CPEB1: variants seen among roughly 807,000 people sequenced by gnomAD.
CPEB1 encodes cytoplasmic polyadenylation element-binding protein 1.
CPEB1 carries 7 observed loss-of-function variants against 65.8 expected under a neutral mutation model. The ratio of observed to expected loss-of-function variants is 0.11; its 90% confidence interval spans 0.06 to 0.20. CPEB1 has a LOEUF of 0.20. CPEB1 is among the 10% of genes least tolerant of loss of function. The probability of loss-of-function intolerance (pLI) is 1.00; values close to 1 mark genes in which losing one functional copy is unlikely to be tolerated. For missense variants in CPEB1, 551 were observed against 712.2 expected (o/e 0.77, Z 2.58); for synonymous variants, 262 against 260.0 (o/e 1.01, Z -0.08).
At chr15:82,578,665 G>A (rs1185393490) in intron 3 of CPEB1, among the ~76,000 whole-genome samples, 2 of 151,690 alleles carry the variant, frequency 1.3e-5, no homozygotes, top group Non-Finnish European at 2.9e-5. Flanking sequence ...GCTGAGGCAG[G>A]AGAATCACTT....
chr15:82,565,585 T>C (rs752551162), intron 4 of CPEB1, among the ~76,000 whole-genome samples: 2 of 152,326 alleles, frequency 1.3e-5, no homozygotes, highest in Non-Finnish European at 2.9e-5. Context: ...TGCAGGCCAG[T>C]GTCTCATCTC....
At chr15:82,544,725 A>G in intron 12 of CPEB1, 23 bp from the exon 13 acceptor site, 3 of 1,563,960 alleles carry the variant, frequency 1.9e-6, no homozygotes, top group Non-Finnish European at 2.6e-6. Flanking sequence ...AACAAAAAGG[A>G]GGATGCCATG....
intron 3 of CPEB1, among the ~76,000 whole-genome samples, chr15:82,613,830 T>C (rs560131885): frequency 6.6e-6 from 1 of 152,106 alleles, no homozygotes; most frequent in South Asian, 2.1e-4. Context: ...ACACTCACCC[T>C]GGATGGGAGC....
intron 1 of CPEB1, chr15:82,638,120 C>A: frequency 3.0e-6 from 1 of 329,630 alleles, no homozygotes; most frequent in Non-Finnish European, 6.3e-6. Context: ...TCCAGCCTCA[C>A]ACAGATACAT....
At chr15:82,620,925 C>G (rs76151210) in intron 3 of CPEB1, among the ~76,000 whole-genome samples, 3,450 of 152,276 alleles carry the variant, frequency 0.023, 136 homozygotes, top group African/African-American at 0.078. Context: ...AAGATGTGTT[C>G]AGTATATAAA....
rs192261065 is a variant in CPEB1 at position 82,568,592 on chromosome 15, A to G, written c.460+2752T>C. Among the ~76,000 whole-genome samples, 244 of 152,318 alleles carry G rather than the reference A, an allele frequency of 1.6e-3. 1 individual carries two copies. The highest frequency in any genetic ancestry group is 5.6e-3 in the African/African-American group (233 of 41,558). Reference sequence around the variant, plus strand: ...GGTCTTCTTGCAGGACTCTGAGGCCAAGGAAATCTAGATAGCAGAAGTACT... The same window carrying G: ...GGTCTTCTTGCAGGACTCTGAGGCCGAGGAAATCTAGATAGCAGAAGTACT... On this transcript the variant is annotated intron_variant, in intron 4 of 12. Coordinates refer to ENST00000684509, the MANE Select transcript of CPEB1 (RefSeq NM_001365242.1).
At chr15:82,629,345 A>G (rs2151326528) in intron 1 of CPEB1, 2 of 985,116 alleles carry the variant, frequency 2.0e-6, no homozygotes. Flanking sequence ...AACCACCCAA[A>G]CTGATTAAGT....
intron 3 of CPEB1, chr15:82,571,895 G>A (rs933838523): frequency 2.0e-6 from 2 of 1,012,028 alleles, no homozygotes; most frequent in African/African-American, 1.7e-5. Context: ...ACAGGGAGGA[G>A]ACTTGCCTCC....
chr15:82,630,227 G>T, intron 1 of CPEB1: 1 of 280,886 alleles, frequency 3.6e-6, no homozygotes, highest in Non-Finnish European at 5.4e-6. Flanking sequence ...ACGTGCCATT[G>T]CCTAGCACAA....
chr15:82,612,017 T>C (rs2044204860), intron 3 of CPEB1, among the ~76,000 whole-genome samples: 1 of 151,848 alleles, frequency 6.6e-6, no homozygotes, highest in African/African-American at 2.4e-5. Flanking sequence ...GAGACCATCC[T>C]GGCTAACACG....
At chr15:82,627,470 T>G (rs1404367948) in intron 2 of CPEB1, 103 bp from the exon 3 acceptor site, 3 of 826,490 alleles carry the variant, frequency 3.6e-6, no homozygotes, top group Middle Eastern at 2.3e-4. Flanking sequence ...CTTAAGTATC[T>G]TCTTTATACA....
chr15:82,586,706 G>C (rs2041833032), intron 3 of CPEB1, among the ~76,000 whole-genome samples: 1 of 152,148 alleles, frequency 6.6e-6, no homozygotes, highest in Admixed American at 6.6e-5. Flanking sequence ...GTAGGTTCAG[G>C]CTGGTTTCAC....
chr15:82,545,221 A>AT (rs2034958162), intron 12 of CPEB1, among the ~76,000 whole-genome samples: 1 of 152,150 alleles, frequency 6.6e-6, no homozygotes, highest in African/African-American at 2.4e-5. Flanking sequence ...GACTATGGAG[A>AT]TTATCTGTGA....
Position 82,627,418 on chromosome 15 carries a change from C to T in CPEB1, c.97-51G>A, listed in dbSNP as rs190478412. 1.8e-4 allele frequency: 247 copies of T among 1,380,850 alleles called. 1 individual carries two copies. The highest frequency in any genetic ancestry group is 1.2e-3 in the South Asian group (84 of 71,030). 85.5% of individuals were successfully genotyped at this position (1,380,850 alleles called of 1,614,324 possible). On this transcript the variant is annotated intron_variant, in intron 2 of 12. Transcript: ENST00000684509. ...TAGGTTTTCTACACTCCTTTATGAC[C>T]CCCTTTCTCTCCACATTACGAATTA...
At chr15:82,639,844 C>A (rs780116557) in intron 1 of CPEB1, among the ~76,000 whole-genome samples, 2 of 147,634 alleles carry the variant, frequency 1.4e-5, no homozygotes, top group Non-Finnish European at 2.9e-5. Flanking sequence ...CACACACGCG[C>A]AAACACTCTC....
At chr15:82,575,007 T>G (rs1011778208) in intron 3 of CPEB1, among the ~76,000 whole-genome samples, 1 of 152,184 alleles carries the variant, frequency 6.6e-6, no homozygotes, top group Non-Finnish European at 1.5e-5. Context: ...AACACAAAAC[T>G]TGTTTTATAA....
At chr15:82,614,886 T>C (rs1467057144) in intron 3 of CPEB1, among the ~76,000 whole-genome samples, 1 of 151,628 alleles carries the variant, frequency 6.6e-6, no homozygotes, top group Non-Finnish European at 1.5e-5. Context: ...TGTGTATATA[T>C]ATATATGACC....
intron 5 of CPEB1, 108 bp downstream of exon 5, chr15:82,557,652 G>A: frequency 1.1e-6 from 1 of 883,506 alleles, no homozygotes. Flanking sequence ...CCATCTCCCA[G>A]CCTGCATTCC....
chr15:82,648,048 T>A, upstream of CPEB1: 1 of 420,586 alleles, frequency 2.4e-6, no homozygotes, highest in Non-Finnish European at 3.9e-6. Flanking sequence ...GCGGAGCACC[T>A]GTGTCGGCCC....
Sources: allele counts gnomAD v4.1 joint callset (sites outside exome capture counted in the v4.1 genomes callset), GRCh38; gene constraint gnomAD v4.1.1; transcripts MANE v1.5; gene names NCBI Gene and HGNC (gene_info 2026-07-23, HGNC 2026-07-21).